The following RHBDL2 variants were observed in gnomAD, a reference collection of about 807,000 sequenced individuals.
RHBDL2 encodes the protein rhomboid like 2.
Under a neutral mutation model 31.7 loss-of-function variants are expected in RHBDL2, and 26 were observed. The observed-to-expected ratio is 0.82, with a 90% CI of 0.60 to 1.14. The LOEUF is 1.14. Ranked by LOEUF, RHBDL2 falls within the 50% of genes most tolerant of loss-of-function variation. The pLI is 0.00. For synonymous variants in RHBDL2, 123 were observed against 127.2 expected, an observed-to-expected ratio of 0.97 and a Z score of 0.22; for missense variants, 336 against 364.4, an observed-to-expected ratio of 0.92 and a Z score of 0.63.
intron 4 of RHBDL2, among the ~76,000 whole-genome samples, chr1:38,908,376 G>C (rs1643095248): frequency 6.6e-6 from 1 of 151,858 alleles, no homozygotes; most frequent in Admixed American, 6.6e-5. Flanking sequence ...GCCGGGTGTG[G>C]TGGTGCCCAC....
chr1:38,937,837 G>C (rs910018698), intron 1 of RHBDL2, among the ~76,000 whole-genome samples: 1 of 152,144 alleles, frequency 6.6e-6, no homozygotes, highest in African/African-American at 2.4e-5. Flanking sequence ...CCAGTCATCA[G>C]GAACAGGCCA....
chr1:38,901,910 G>A (rs894236948), intron 4 of RHBDL2, among the ~76,000 whole-genome samples: 9 of 151,016 alleles, frequency 6.0e-5, no homozygotes, highest in African/African-American at 1.9e-4. Flanking sequence ...ACAAACAAAT[G>A]CATTATTATA....
chr1:38,932,652 G>GT (rs1393015731), intron 1 of RHBDL2, among the ~76,000 whole-genome samples: 1 of 152,132 alleles, frequency 6.6e-6, no homozygotes, highest in Non-Finnish European at 1.5e-5. Flanking sequence ...TAGAGATGGG[G>GT]TTTTGCCATG....
chr1:38,895,592 C>G (rs1414935283), intron 5 of RHBDL2, among the ~76,000 whole-genome samples: 1 of 152,096 alleles, frequency 6.6e-6, no homozygotes, highest in Non-Finnish European at 1.5e-5. Flanking sequence ...TCGCTTGAGC[C>G]TAGGAGTTCG....
intron 4 of RHBDL2, among the ~76,000 whole-genome samples, chr1:38,901,889 C>T (rs185000238): frequency 2.0e-5 from 3 of 150,674 alleles, no homozygotes; most frequent in African/African-American, 7.3e-5. Flanking sequence ...ACTGATAGAA[C>T]CACAGGAGAA....
chr1:38,930,615 A>G (rs1462465843), intron 1 of RHBDL2, among the ~76,000 whole-genome samples: 1 of 152,192 alleles, frequency 6.6e-6, no homozygotes, highest in African/African-American at 2.4e-5. Context: ...TGTGCGCACT[A>G]AGGGATATAG....
intron 1 of RHBDL2, among the ~76,000 whole-genome samples, chr1:38,932,634 A>G (rs545190348): frequency 2.0e-5 from 3 of 152,028 alleles, no homozygotes; most frequent in Non-Finnish European, 4.4e-5. Context: ...TAATTTTCGC[A>G]TTTTTTGTAG....
intron 1 of RHBDL2, among the ~76,000 whole-genome samples, chr1:38,935,787 A>AT (rs559651681): frequency 1.9e-3 from 293 of 151,744 alleles, no homozygotes; most frequent in African/African-American, 6.7e-3. Context: ...TAACTTTTGT[A>AT]TTTTTTTGTA....
chr1:38,893,666 A>G (rs1168150809), intron 5 of RHBDL2, among the ~76,000 whole-genome samples: 1 of 151,970 alleles, frequency 6.6e-6, no homozygotes, highest in East Asian at 1.9e-4. Flanking sequence ...TTTTTGAGGT[A>G]ATTTCAAAAA....
At chr1:38,911,681 C>G (rs1415559554) in intron 3 of RHBDL2, among the ~76,000 whole-genome samples, 1 of 150,824 alleles carries the variant, frequency 6.6e-6, no homozygotes, top group Non-Finnish European at 1.5e-5. Flanking sequence ...GCTGTGTCTC[C>G]CAGCCAGGGG....
At chr1:38,919,626 G>C (rs1643284943) in intron 1 of RHBDL2, among the ~76,000 whole-genome samples, 1 of 150,110 alleles carries the variant, frequency 6.7e-6, no homozygotes, top group African/African-American at 2.5e-5. Flanking sequence ...TTTTTTATGA[G>C]GTGGAGTCAT....
chr1:38,893,937 C>T (rs1262509946), intron 5 of RHBDL2, among the ~76,000 whole-genome samples: 2 of 152,052 alleles, frequency 1.3e-5, no homozygotes, highest in Admixed American at 6.6e-5. Context: ...GTCCCTTATG[C>T]GTCAGTGGCG....
intron 4 of RHBDL2, among the ~76,000 whole-genome samples, chr1:38,907,129 G>T (rs1298285137): frequency 1.3e-5 from 2 of 152,132 alleles, no homozygotes; most frequent in Non-Finnish European, 2.9e-5. Flanking sequence ...TTTTATAATG[G>T]TGTAAAAGCA....
rs569955051 is a variant in RHBDL2, at chr1:38,893,355, G to A, written c.610-131C>T. On this transcript the variant is annotated intron_variant, in intron 5 of 7. Transcript: ENST00000372990. ...CAAATATTTGCAAAACAAAGCATGA[G>A]TGTCACAGCCGAGTTTTTAAATGTA... 42 of 523,370 alleles carry A rather than the reference G, an allele frequency of 8.0e-5. No homozygotes were observed. The South Asian group carries it at 1.1e-3, about 14-fold the overall frequency. 32.4% of individuals were successfully genotyped at this position (523,370 alleles called of 1,614,324 possible). A position where few individuals can be genotyped will look rare whatever the true frequency, so the allele number is the denominator to read the frequency against.
At chr1:38,891,194 G>A (rs1642849275) in intron 6 of RHBDL2, among the ~76,000 whole-genome samples, 1 of 145,680 alleles carries the variant, frequency 6.9e-6, no homozygotes, top group South Asian at 2.2e-4. Flanking sequence ...CCAGGAGGCG[G>A]AGGTTGCAGT....
Position 38,919,042 on chromosome 1 carries a change from C to G in RHBDL2, c.171G>C (p.Lys57Asn). The G allele has an allele frequency of 1.2e-6, 2 of 1,614,162 alleles. No individual in the cohort carries two copies. The highest frequency in any genetic ancestry group is 4.5e-5 in the East Asian group (2 of 44,886). The change falls in exon 2 of 8, where the codon AAG becomes AAC. Residue 57 changes from lysine to asparagine, a missense_variant. Lys to Asn is a moderately conservative substitution (Grantham distance 94). Coordinates refer to ENST00000372990, the MANE Select transcript of RHBDL2 (RefSeq NM_017821.5). ...CTCTCTCCAAGTATGTTCCTCGGGA[C>G]TTTTCGGGCAGCATCCATTTTGAGA... ...RIVSKWMLPE[K>N]SRGTYLERAN...
In RHBDL2 at chr1:38,919,012, G is replaced by C. The variant is rs1054890035; in HGVS notation, c.201C>G (p.Asn67Lys). 3 of 1,614,184 alleles carry C rather than the reference G, an allele frequency of 1.9e-6. No individual in the cohort carries two copies. The highest frequency in any genetic ancestry group is 2.5e-6 in the Non-Finnish European group (3 of 1,180,042). ...TGATGAACACGGGAGGCGGGAAGCAGTTAGCTCTCTCCAAGTATGTTCCTC... is the reference window on the plus strand; with the variant it reads ...TGATGAACACGGGAGGCGGGAAGCACTTAGCTCTCTCCAAGTATGTTCCTC... ...KSRGTYLERA[N>K]CFPPPVFIIS... Residue 67 changes from asparagine to lysine, a missense_variant, in exon 2 of 8, where the codon AAC (asparagine) becomes AAG (lysine). Coordinates refer to ENST00000372990, the MANE Select transcript of RHBDL2 (RefSeq NM_017821.5).
chr1:38,928,402 A>G (rs1643402506), intron 1 of RHBDL2, among the ~76,000 whole-genome samples: 1 of 151,690 alleles, frequency 6.6e-6, no homozygotes, highest in Non-Finnish European at 1.5e-5. Context: ...TCGGGCTCCC[A>G]AAGTGCTGGG....
intron 1 of RHBDL2, chr1:38,926,989 T>C (rs139450746): frequency 0.01 from 1,541 of 152,290 alleles, 16 homozygotes; most frequent in Middle Eastern, 0.027. Context: ...ATCAGAGTTA[T>C]TTTTTTAAAA....
Sources: gnomAD v4.1 joint callset for allele counts (sites outside exome capture counted in the v4.1 genomes callset) on GRCh38, gnomAD v4.1.1 for gene constraint, MANE v1.5 for transcripts, NCBI Gene and HGNC (gene_info 2026-07-23, HGNC 2026-07-21) for gene names.